The following KMT2E variants were observed in gnomAD, a reference collection of about 807,000 sequenced individuals.
KMT2E encodes lysine methyltransferase 2E (inactive), also known as histone reader KMT2E.
KMT2E carries 30 observed loss-of-function variants against 184.6 expected under a neutral mutation model. The observed-to-expected ratio is 0.16, with a 90% CI of 0.12 to 0.22. The LOEUF is 0.22. Ranked by LOEUF, KMT2E falls within the 10% of genes least tolerant of loss-of-function variation. The pLI is 1.00. For synonymous variants in KMT2E, 815 were observed against 776.5 expected (o/e 1.05, Z -0.82); for missense variants, 2,023 against 2,237.4 (o/e 0.90, Z 1.93).
intron 15 of KMT2E, among the ~76,000 whole-genome samples, chr7:105,094,906 G>A (rs895057404): frequency 4.6e-5 from 7 of 152,150 alleles, no homozygotes; most frequent in African/African-American, 1.7e-4. Flanking sequence ...GGCATGCTTT[G>A]GTGGTCTTGA....
At chr7:105,102,333 T>A in intron 17 of KMT2E, 139 bp downstream of exon 17, 1 of 611,472 alleles carries the variant, frequency 1.6e-6, no homozygotes, top group Non-Finnish European at 2.6e-6. Flanking sequence ...AAACTAAGAA[T>A]GAGAATTCCA....
chr7:105,097,142 A>C (rs1039015196), intron 15 of KMT2E, among the ~76,000 whole-genome samples: 1 of 152,220 alleles, frequency 6.6e-6, no homozygotes, highest in Non-Finnish European at 1.5e-5. Flanking sequence ...AACTTGACTG[A>C]CTTCATTTAG....
intron 3 of KMT2E, among the ~76,000 whole-genome samples, chr7:105,053,624 T>G (rs10252714): frequency 0.59 from 90,234 of 152,008 alleles, 28,568 homozygotes; most frequent in East Asian, 0.92. Context: ...TGTAATCCCA[T>G]CACTTTGAGA....
chr7:105,027,419 T>C (rs960205987), intron 1 of KMT2E, among the ~76,000 whole-genome samples: 4 of 152,166 alleles, frequency 2.6e-5, no homozygotes, highest in Admixed American at 6.5e-5. Context: ...ATAGGACTCA[T>C]TGTATCCACC....
intron 6 of KMT2E, 100 bp from the exon 7 acceptor site, chr7:105,073,519 T>C: frequency 1.4e-6 from 1 of 730,076 alleles, no homozygotes. Context: ...ATACTGTTGG[T>C]TTTTCACTGA....
intron 15 of KMT2E, among the ~76,000 whole-genome samples, chr7:105,096,220 C>T (rs963403676): frequency 2.3e-5 from 3 of 132,852 alleles, no homozygotes; most frequent in African/African-American, 8.7e-5. Context: ...CATCACTGCA[C>T]TCCAGCCTGG....
Position 105,107,817 on chromosome 7 carries a change from T to G in KMT2E, c.3360T>G (p.Thr1120=), listed in dbSNP as rs772426557. The change falls in exon 22 of 27, where the codon ACT becomes ACG. Residue 1120 remains threonine, a synonymous_variant. Coordinates refer to ENST00000311117, the MANE Select transcript of KMT2E (RefSeq NM_182931.3). Reference sequence around the variant, plus strand: ...CTAGAGGCATGTTTATGGAAACAACTGTGTTTTGTACTTCCGAAGATGGGC... The same window carrying G: ...CTAGAGGCATGTTTATGGAAACAACGGTGTTTTGTACTTCCGAAGATGGGC... The part of the protein sequence containing the change: ...DDTRGMFMET[T]VFCTSEDGLV... The G allele has an allele frequency of 9.9e-6, 16 of 1,614,036 alleles. No homozygotes were observed. The highest frequency in any genetic ancestry group is 1.0e-5 in the Non-Finnish European group (12 of 1,180,016).
At chr7:105,068,154 T>A (rs544121719) in intron 6 of KMT2E, among the ~76,000 whole-genome samples, 5 of 152,324 alleles carry the variant, frequency 3.3e-5, no homozygotes, top group Admixed American at 1.3e-4. Flanking sequence ...CTGTTTGTCC[T>A]GATGAGTTTT....
intron 3 of KMT2E, among the ~76,000 whole-genome samples, chr7:105,049,582 G>GT (rs1336965251): frequency 6.6e-6 from 1 of 151,862 alleles, no homozygotes; most frequent in Non-Finnish European, 1.5e-5. Flanking sequence ...TTCAAATTCT[G>GT]TTTTTTCTCT....
chr7:105,096,052 C>T (rs1252438221), intron 15 of KMT2E, among the ~76,000 whole-genome samples: 1 of 151,938 alleles, frequency 6.6e-6, no homozygotes, highest in Non-Finnish European at 1.5e-5. Flanking sequence ...TCCACGAGTT[C>T]GAGACCAGAC....
intron 2 of KMT2E, 83 bp from the exon 3 acceptor site, chr7:105,040,751 GATTTT>G (rs1371182151): frequency 7.2e-4 from 267 of 373,272 alleles, no homozygotes; most frequent in African/African-American, 5.2e-3. Context: ...TTTATATTGA[GATTTT>G]AATAAAGAAT....
intron 20 of KMT2E, 141 bp from the exon 21 acceptor site, chr7:105,107,022 CTTA>C: frequency 1.6e-6 from 1 of 629,474 alleles, no homozygotes; most frequent in South Asian, 2.5e-5. Flanking sequence ...TTAAAGCAGT[CTTA>C]TTTGGGGAAT....
chr7:105,091,130 G>A (rs1225816353), intron 14 of KMT2E, 86 bp from the exon 15 acceptor site: 2 of 624,348 alleles, frequency 3.2e-6, no homozygotes, highest in Middle Eastern at 8.5e-4. Context: ...AATTTGTTGT[G>A]GTTGAAAGAC....
intron 13 of KMT2E, among the ~76,000 whole-genome samples, chr7:105,082,070 T>G (rs572942343): frequency 3.9e-5 from 6 of 152,302 alleles, no homozygotes; most frequent in Admixed American, 2.0e-4. Context: ...CTGACCTTGT[T>G]TATGTGAGAA....
At chr7:105,106,265 G>C (rs957905466) in intron 19 of KMT2E, among the ~76,000 whole-genome samples, 11 of 152,306 alleles carry the variant, frequency 7.2e-5, no homozygotes, top group South Asian at 2.1e-4. Flanking sequence ...ATCAGTTAAA[G>C]TAACATCGGT....
chr7:105,014,781 C>T (rs1037345419), intron 1 of KMT2E, among the ~76,000 whole-genome samples: 2 of 151,928 alleles, frequency 1.3e-5, no homozygotes, highest in Non-Finnish European at 2.9e-5. Context: ...GGCAGTTAAA[C>T]CCCCTTGAGA....
At chr7:105,108,887 C>G in intron 22 of KMT2E, 55 bp from the exon 23 acceptor site, 1 of 1,441,912 alleles carries the variant, frequency 6.9e-7, no homozygotes, top group Non-Finnish European at 9.4e-7. Flanking sequence ...TGCATTGGTT[C>G]TGACATAAAA....
At chr7:105,082,338 C>T (rs150179417) in intron 13 of KMT2E, among the ~76,000 whole-genome samples, 69 of 152,270 alleles carry the variant, frequency 4.5e-4, no homozygotes, top group African/African-American at 1.7e-3. Context: ...CCTGCACAGT[C>T]CACAATCTGC....
chr7:105,030,269 T>G (rs1490976610), intron 1 of KMT2E, among the ~76,000 whole-genome samples: 1 of 152,092 alleles, frequency 6.6e-6, no homozygotes, highest in African/African-American at 2.4e-5. Context: ...CCTTAGGAGG[T>G]TGATTTGCCA....
Sources: allele counts gnomAD v4.1 joint callset (sites outside exome capture counted in the v4.1 genomes callset), GRCh38; gene constraint gnomAD v4.1.1; transcripts MANE v1.5; gene names NCBI Gene and HGNC (gene_info 2026-07-23, HGNC 2026-07-21).